Variants in ABCC4 observed in about 807,000 individuals in gnomAD.
ABCC4 encodes ATP binding cassette subfamily C member 4 (PEL blood group).
A neutral mutation model predicts 168.5 loss-of-function variants in ABCC4; 102 were observed. The ratio of observed to expected loss-of-function variants is 0.61; its 90% CI spans 0.52 to 0.71. The LOEUF is 0.71. ABCC4 is among the 30% of genes least tolerant of loss of function. ABCC4 has a pLI of 0.00. For missense variants in ABCC4, 1,402 were observed against 1,605.8 expected, an observed-to-expected ratio of 0.87 and a Z score of 2.17; for synonymous variants, 617 against 590.7, an observed-to-expected ratio of 1.04 and a Z score of -0.65.
intron 9 of ABCC4, among the ~76,000 whole-genome samples, chr13:95,189,059 C>T (rs1374654065): frequency 1.3e-5 from 2 of 151,502 alleles, no homozygotes; most frequent in Non-Finnish European, 1.5e-5. Flanking sequence ...CCCCACCCAC[C>T]GACAAGCCCC....
chr13:95,150,023 G>T (rs1053750658), intron 19 of ABCC4, among the ~76,000 whole-genome samples: 9 of 152,170 alleles, frequency 5.9e-5, no homozygotes, highest in Non-Finnish European at 1.3e-4. Flanking sequence ...CTAGGCTTGG[G>T]GGGGCAATAC....
At chr13:95,172,214 G>C (rs1282523424) in intron 13 of ABCC4, among the ~76,000 whole-genome samples, 1 of 152,090 alleles carries the variant, frequency 6.6e-6, no homozygotes, top group Non-Finnish European at 1.5e-5. Context: ...AAATCTTCCA[G>C]TCATGCCATA....
At chr13:95,258,741 C>T (rs2040454673) in intron 1 of ABCC4, among the ~76,000 whole-genome samples, 1 of 152,110 alleles carries the variant, frequency 6.6e-6, no homozygotes, top group African/African-American at 2.4e-5. Flanking sequence ...ATCTGGGGCC[C>T]AGCAACCCTC....
At chr13:95,221,385 T>C (rs1254754187) in intron 4 of ABCC4, among the ~76,000 whole-genome samples, 8 of 152,132 alleles carry the variant, frequency 5.3e-5, no homozygotes, top group Non-Finnish European at 1.0e-4. Context: ...CACACCATCA[T>C]GCCTGGCTGA....
intron 1 of ABCC4, among the ~76,000 whole-genome samples, chr13:95,298,937 GC>G (rs1232803070): frequency 6.6e-6 from 1 of 152,176 alleles, no homozygotes; most frequent in South Asian, 2.1e-4. Flanking sequence ...CTATTTCCCT[GC>G]CACCTACATT....
At chr13:95,022,214 A>C (rs1201053577) in intron 30 of ABCC4, among the ~76,000 whole-genome samples, 2 of 152,186 alleles carry the variant, frequency 1.3e-5, no homozygotes, top group African/African-American at 4.8e-5. Context: ...GGCCTATAGA[A>C]ATGTGGTCTG....
At chr13:95,285,074 C>T (rs778495493) in intron 1 of ABCC4, among the ~76,000 whole-genome samples, 1 of 151,634 alleles carries the variant, frequency 6.6e-6, no homozygotes, top group Non-Finnish European at 1.5e-5. Context: ...AGTGAGATCT[C>T]GTCTCTACAA....
chr13:95,045,317 T>C (rs985988905), intron 27 of ABCC4, among the ~76,000 whole-genome samples: 1 of 152,194 alleles, frequency 6.6e-6, no homozygotes, highest in Admixed American at 6.5e-5. Flanking sequence ...TATCATCTTA[T>C]AGGCACTTTA....
chr13:95,132,466 C>G (rs1177088314), intron 19 of ABCC4, among the ~76,000 whole-genome samples: 2 of 152,160 alleles, frequency 1.3e-5, no homozygotes, highest in Non-Finnish European at 2.9e-5. Context: ...ATCCACCCAC[C>G]TCAGCCTCCC....
At chr13:95,186,493 C>T (rs1355469977) in intron 11 of ABCC4, among the ~76,000 whole-genome samples, 5 of 152,052 alleles carry the variant, frequency 3.3e-5, no homozygotes, top group African/African-American at 9.7e-5. Flanking sequence ...ACCAAACCCC[C>T]GAAATTCACC....
chr13:95,127,699 G>T (rs903344767), intron 19 of ABCC4, among the ~76,000 whole-genome samples: 1 of 152,082 alleles, frequency 6.6e-6, no homozygotes, highest in Non-Finnish European at 1.5e-5. Context: ...CCCCTCAGTG[G>T]TGATCTCATG....
chr13:95,075,411 C>A (rs1173056701), intron 22 of ABCC4, 21 bp downstream of exon 22: 10 of 1,613,754 alleles, frequency 6.2e-6, no homozygotes, highest in Non-Finnish European at 8.5e-6. Flanking sequence ...CCTTTGAAAC[C>A]ATTTCCAGAA....
At chr13:95,067,155 G>A (rs750969040) in intron 25 of ABCC4, among the ~76,000 whole-genome samples, 13 of 152,156 alleles carry the variant, frequency 8.5e-5, no homozygotes, top group African/African-American at 1.2e-4. Context: ...CAAATACATC[G>A]CTGTGCTGAG....
At chr13:95,145,201 G>T (rs1440742338) in intron 19 of ABCC4, among the ~76,000 whole-genome samples, 1 of 152,154 alleles carries the variant, frequency 6.6e-6, no homozygotes, top group Non-Finnish European at 1.5e-5. Flanking sequence ...GGAGGAAATG[G>T]AAATTCAGCC....
At chr13:95,271,859 C>G (rs1281688021) in intron 1 of ABCC4, among the ~76,000 whole-genome samples, 6 of 152,112 alleles carry the variant, frequency 3.9e-5, no homozygotes, top group Non-Finnish European at 8.8e-5. Context: ...GGGACTCAAT[C>G]CAAAAAGCTC....
At chr13:95,108,131 A>G (rs555115406) in intron 20 of ABCC4, among the ~76,000 whole-genome samples, 1 of 152,318 alleles carries the variant, frequency 6.6e-6, no homozygotes, top group East Asian at 1.9e-4. Context: ...CAAAATGTCT[A>G]AAAGAATTTT....
At chr13:95,198,107 A>G (rs896746468) in intron 8 of ABCC4, among the ~76,000 whole-genome samples, 1 of 152,172 alleles carries the variant, frequency 6.6e-6, no homozygotes, top group African/African-American at 2.4e-5. Flanking sequence ...AAAATTGACA[A>G]ATGGGATCTA....
At chr13:95,289,802 T>G (rs2041345617) in intron 1 of ABCC4, among the ~76,000 whole-genome samples, 1 of 152,162 alleles carries the variant, frequency 6.6e-6, no homozygotes, top group Admixed American at 6.6e-5. Context: ...AGAACCTTTT[T>G]AAAATATTGA....
At chr13:95,070,990 T>C (rs1337098757) in intron 25 of ABCC4, among the ~76,000 whole-genome samples, 3 of 152,022 alleles carry the variant, frequency 2.0e-5, no homozygotes, top group Non-Finnish European at 4.4e-5. Context: ...AATTGAATCA[T>C]GGGGGCAGGT....
Sources: allele counts gnomAD v4.1 joint callset (sites outside exome capture counted in the v4.1 genomes callset), GRCh38; gene constraint gnomAD v4.1.1; transcripts MANE v1.5; gene names NCBI Gene and HGNC (gene_info 2026-07-23, HGNC 2026-07-21).